CEP57: variants seen among roughly 807,000 people sequenced by gnomAD.
The protein encoded by CEP57 is centrosomal protein 57, also known as centrosomal protein of 57 kDa.
CEP57 carries 40 observed loss-of-function variants against 68.0 expected under a neutral mutation model. That is an observed-to-expected ratio of 0.59 (90% CI 0.46 to 0.77). The LOEUF is 0.77. CEP57 is among the 30% of genes least tolerant of loss of function. The pLI is 0.00. For synonymous variants in CEP57, 219 were observed against 198.7 expected (o/e 1.10, Z -0.86); for missense variants, 606 against 580.7 (o/e 1.04, Z -0.45).
At chr11:95,826,496 G>C (rs1862748267) in intron 8 of CEP57, 1 of 152,026 alleles carries the variant, frequency 6.6e-6, no homozygotes, top group South Asian at 2.1e-4. Flanking sequence ...TGGATGCTGG[G>C]GTTAATACCT....
intron 2 of CEP57, among the ~76,000 whole-genome samples, chr11:95,806,059 T>C (rs778199442): frequency 6.6e-6 from 1 of 152,194 alleles, no homozygotes; most frequent in Non-Finnish European, 1.5e-5. Flanking sequence ...AAGACTGTGT[T>C]GTTAAAGCAC....
At position 95,831,896 on chromosome 11, in the gene CEP57, AT is replaced by A. The variant is rs1253517345; in HGVS notation, c.*642del. The A allele has an allele frequency of 2.6e-5, 4 of 152,180 alleles. No homozygotes were observed. The highest frequency in any genetic ancestry group is 2.9e-5 in the Non-Finnish European group (2 of 68,006). 9.4% of individuals were successfully genotyped at this position (152,180 alleles called of 1,614,324 possible). On this transcript the variant is annotated 3_prime_UTR_variant, in exon 11 of 11. Coordinates refer to ENST00000325542, the MANE Select transcript of CEP57 (RefSeq NM_014679.5). Reference sequence around the variant, plus strand: ...GTCATTTTGAGTTATATCTATAAAAATTATAAAAGGATTTTTGAAAGTATAA... The same window carrying A: ...GTCATTTTGAGTTATATCTATAAAAATATAAAAGGATTTTTGAAAGTATAA...
chr11:95,816,527 C>T (rs755990749), intron 4 of CEP57, among the ~76,000 whole-genome samples: 1 of 152,070 alleles, frequency 6.6e-6, no homozygotes, highest in Non-Finnish European at 1.5e-5. Context: ...TAATATATGT[C>T]TTGGAGACAA....
intron 9 of CEP57, among the ~76,000 whole-genome samples, chr11:95,828,469 G>A (rs1391925874): frequency 7.3e-6 from 1 of 137,596 alleles, no homozygotes; most frequent in Non-Finnish European, 1.7e-5. Flanking sequence ...GTAAGTATTT[G>A]TGTATATAAA....
intron 5 of CEP57, among the ~76,000 whole-genome samples, chr11:95,818,269 G>A (rs1001815591): frequency 2.6e-5 from 4 of 151,766 alleles, no homozygotes; most frequent in East Asian, 3.9e-4. Flanking sequence ...AAAATTAGCC[G>A]GGCATCGTGG....
rs533642479 is a variant in CEP57 at position 95,811,734 on chromosome 11, A to T, written c.203-1198A>T. 2.0e-5 allele frequency among the ~76,000 whole-genome samples: 3 copies of T among 152,306 alleles called. No homozygotes were observed. The South Asian group carries it at 6.2e-4, about 32-fold the overall frequency. On this transcript the variant is annotated intron_variant, in intron 2 of 10. Coordinates refer to ENST00000325542, the MANE Select transcript of CEP57 (RefSeq NM_014679.5). Reference sequence around the variant, plus strand: ...GCAAAGGAAATTCATGAAAGGGAGAAAATTAGCCAATAACATATATGAAAA... The same window carrying T: ...GCAAAGGAAATTCATGAAAGGGAGATAATTAGCCAATAACATATATGAAAA...
chr11:95,797,532 T>C (rs971696891), intron 1 of CEP57, among the ~76,000 whole-genome samples: 1 of 152,094 alleles, frequency 6.6e-6, no homozygotes, highest in African/African-American at 2.4e-5. Flanking sequence ...AGAAGATGCC[T>C]TCAAACCTGA....
At chr11:95,826,290 T>C (rs1862740023) in intron 8 of CEP57, 1 of 152,208 alleles carries the variant, frequency 6.6e-6, no homozygotes, top group Non-Finnish European at 1.5e-5. Context: ...TTGCTTACAA[T>C]ACATAAAACA....
At chr11:95,801,379 CAG>C (rs1399846642) in intron 2 of CEP57, among the ~76,000 whole-genome samples, 1 of 141,582 alleles carries the variant, frequency 7.1e-6, no homozygotes, top group African/African-American at 2.7e-5. Context: ...TTCTACACAT[CAG>C]AGTATAGCAG....
intron 2 of CEP57, among the ~76,000 whole-genome samples, chr11:95,810,404 T>C (rs1157481509): frequency 6.6e-6 from 1 of 152,154 alleles, no homozygotes; most frequent in Non-Finnish European, 1.5e-5. Flanking sequence ...AAAGAGGAAG[T>C]CAAATTGTCC....
At chr11:95,816,919 G>A (rs886516474) in intron 4 of CEP57, among the ~76,000 whole-genome samples, 1 of 151,782 alleles carries the variant, frequency 6.6e-6, no homozygotes, top group Non-Finnish European at 1.5e-5. Context: ...GCTCAGGCAG[G>A]AGAATTACTT....
At chr11:95,799,438 A>G in intron 2 of CEP57, 50 bp downstream of exon 2, 1 of 1,607,328 alleles carries the variant, frequency 6.2e-7, no homozygotes, top group South Asian at 1.1e-5. Flanking sequence ...TTGCTGCTTT[A>G]AAATTCTTAA....
chr11:95,827,925 AAAGT>A lies in CEP57; in HGVS notation c.1029_1032del (p.Ser343ArgfsTer5). ...AAGCAAGTATCTTCACGAGGTGGTA[AAAGT>A]AAGAAGTTGTCAGTAACACCTCCCT... On this transcript the variant is annotated frameshift_variant, in exon 9 of 11. Coordinates refer to ENST00000325542, the MANE Select transcript of CEP57 (RefSeq NM_014679.5). LOFTEE classifies it high-confidence loss of function. 6.2e-7 allele frequency: 1 copy of A among 1,614,142 alleles called. No homozygotes were observed. The highest frequency in any genetic ancestry group is 1.1e-5 in the South Asian group (1 of 91,078).
intron 10 of CEP57, among the ~76,000 whole-genome samples, chr11:95,830,383 G>C (rs1242437195): frequency 1.3e-5 from 2 of 152,268 alleles, no homozygotes; most frequent in South Asian, 2.1e-4. Flanking sequence ...TAGGAGTAAG[G>C]AGTAATGGTC....
intron 2 of CEP57, among the ~76,000 whole-genome samples, chr11:95,810,678 C>T (rs964062307): frequency 2.6e-5 from 4 of 152,154 alleles, no homozygotes; most frequent in African/African-American, 9.7e-5. Context: ...CTACAAACCA[C>T]TGCTCAATGA....
chr11:95,823,544 A>G (rs1035159097), intron 8 of CEP57, among the ~76,000 whole-genome samples: 2 of 151,122 alleles, frequency 1.3e-5, no homozygotes, highest in Admixed American at 6.6e-5. Context: ...ACCATAAAAT[A>G]TACACAAGTT....
rs111966950 is a variant in CEP57, at chr11:95,790,808, G to A, written c.45+65G>A. On this transcript the variant is annotated intron_variant, in intron 1 of 10. Coordinates refer to ENST00000325542, the MANE Select transcript of CEP57 (RefSeq NM_014679.5). ...TAAGCGCCTCTTTGAGTTTCCTCAC[G>A]TTTCAGGGCGCTGTCAGTCCAGCTT... 6.3e-5 allele frequency: 100 copies of A among 1,574,838 alleles called. No individual in the cohort carries two copies. The African/African-American group carries it at 1.2e-3, about 19-fold the overall frequency.
intron 2 of CEP57, among the ~76,000 whole-genome samples, chr11:95,807,908 A>T (rs533111251): frequency 4.6e-5 from 7 of 152,332 alleles, no homozygotes; most frequent in African/African-American, 1.7e-4. Context: ...ACTCCAAGAC[A>T]CATAATTGTC....
chr11:95,806,181 A>G (rs1277416761), intron 2 of CEP57, among the ~76,000 whole-genome samples: 1 of 152,206 alleles, frequency 6.6e-6, no homozygotes, highest in African/African-American at 2.4e-5. Flanking sequence ...CCTAGTCTTA[A>G]TGTTCATTTT....
Sources: allele counts gnomAD v4.1 joint callset (sites outside exome capture counted in the v4.1 genomes callset), GRCh38; gene constraint gnomAD v4.1.1; transcripts MANE v1.5; gene names NCBI Gene and HGNC (gene_info 2026-07-23, HGNC 2026-07-21).